PRKN: variants seen among roughly 807,000 people sequenced by gnomAD.
PRKN encodes the protein E3 ubiquitin-protein ligase parkin.
A neutral mutation model predicts 59.5 loss-of-function variants in PRKN; 56 were observed. The ratio of observed to expected loss-of-function variants is 0.94; its 90% CI spans 0.76 to 1.18. The LOEUF is 1.18. Among genes scored for constraint, PRKN ranks in the 50% most tolerant of loss-of-function variants. PRKN has a pLI of 0.00. For synonymous variants in PRKN, 250 were observed against 222.1 expected (o/e 1.13, Z -1.12); for missense variants, 657 against 596.4 (o/e 1.10, Z -1.06).
chr6:161,896,150 T>C (rs1777619378), intron 6 of PRKN, among the ~76,000 whole-genome samples: 1 of 152,116 alleles, frequency 6.6e-6, no homozygotes, highest in Admixed American at 6.5e-5. Context: ...AGACACTACA[T>C]TTATGTGTAG....
At chr6:162,419,274 C>T (rs1788828276) in intron 2 of PRKN, among the ~76,000 whole-genome samples, 1 of 151,910 alleles carries the variant, frequency 6.6e-6, no homozygotes, top group African/African-American at 2.4e-5. Context: ...GGAAAAATTG[C>T]TCTTCCTCAA....
chr6:161,656,826 AT>A (rs1162804573), intron 7 of PRKN, among the ~76,000 whole-genome samples: 1 of 152,118 alleles, frequency 6.6e-6, no homozygotes, highest in Non-Finnish European at 1.5e-5. Flanking sequence ...TGTTTATTGT[AT>A]ATCCCCCTAC....
chr6:162,454,174 CTT>C (rs1179225011), intron 1 of PRKN, among the ~76,000 whole-genome samples: 2 of 152,198 alleles, frequency 1.3e-5, no homozygotes, highest in Non-Finnish European at 2.9e-5. Flanking sequence ...ATTATTGACT[CTT>C]AACTTCAGGT....
intron 7 of PRKN, among the ~76,000 whole-genome samples, chr6:161,666,084 T>C (rs1784715402): frequency 6.6e-6 from 1 of 152,212 alleles, no homozygotes; most frequent in Non-Finnish European, 1.5e-5. Flanking sequence ...CGTGAGCCTC[T>C]TCTATCCTGT....
chr6:162,234,094 ATAGT>A (rs1292886125), intron 3 of PRKN, among the ~76,000 whole-genome samples: 2 of 152,236 alleles, frequency 1.3e-5, no homozygotes, highest in Non-Finnish European at 2.9e-5. Flanking sequence ...GCTCAGAATC[ATAGT>A]ATTGAACCTA....
At chr6:162,408,798 A>G (rs1226477170) in intron 2 of PRKN, among the ~76,000 whole-genome samples, 1 of 152,134 alleles carries the variant, frequency 6.6e-6, no homozygotes, top group Non-Finnish European at 1.5e-5. Flanking sequence ...CCATGGACAC[A>G]ATCACATATT....
intron 1 of PRKN, among the ~76,000 whole-genome samples, chr6:162,696,030 C>T (rs970670723): frequency 6.6e-6 from 1 of 152,012 alleles, no homozygotes. Context: ...GCTCTGACTA[C>T]AGAAAGTGCC....
chr6:162,199,084 G>T (rs905616537), intron 4 of PRKN, among the ~76,000 whole-genome samples: 2 of 152,052 alleles, frequency 1.3e-5, no homozygotes, highest in Non-Finnish European at 2.9e-5. Flanking sequence ...TTTTCAACAT[G>T]AATTCCACCT....
chr6:162,220,363 C>T (rs893667438), intron 3 of PRKN, among the ~76,000 whole-genome samples: 2 of 152,170 alleles, frequency 1.3e-5, no homozygotes, highest in African/African-American at 2.4e-5. Flanking sequence ...TAAAGAGCTT[C>T]GGCATAGCAA....
intron 2 of PRKN, among the ~76,000 whole-genome samples, chr6:162,406,908 C>A (rs1453835149): frequency 6.6e-6 from 1 of 152,062 alleles, no homozygotes; most frequent in Non-Finnish European, 1.5e-5. Flanking sequence ...CTCTAGGAAG[C>A]TATTCTTGAA....
chr6:161,712,103 C>A (rs1219137569), intron 7 of PRKN, among the ~76,000 whole-genome samples: 2 of 152,064 alleles, frequency 1.3e-5, no homozygotes, highest in Non-Finnish European at 2.9e-5. Flanking sequence ...CTCTAGAGAA[C>A]CCTGACTAAT....
intron 7 of PRKN, among the ~76,000 whole-genome samples, chr6:161,570,450 G>A (rs1345327551): frequency 6.8e-6 from 1 of 147,338 alleles, no homozygotes; most frequent in Non-Finnish European, 1.5e-5. Context: ...CTTATACACA[G>A]ATTTTTTCTT....
chr6:162,188,495 A>T (rs1583172031), intron 4 of PRKN, among the ~76,000 whole-genome samples: 2 of 152,146 alleles, frequency 1.3e-5, no homozygotes, highest in Non-Finnish European at 2.9e-5. Context: ...TACTGGATCA[A>T]TGTCCACATA....
intron 2 of PRKN, among the ~76,000 whole-genome samples, chr6:162,367,948 G>A (rs1469784733): frequency 6.6e-6 from 1 of 152,146 alleles, no homozygotes; most frequent in Admixed American, 6.6e-5. Context: ...AACCACCAAG[G>A]CACTGCCTCC....
rs1188269485 is a variant in PRKN at position 161,413,664 on chromosome 6, C to A, written c.1084-26787G>T. Among the ~76,000 whole-genome samples, 1 of 152,290 alleles carries A rather than the reference C, an allele frequency of 6.6e-6. No homozygotes were observed. The highest frequency in any genetic ancestry group is 2.1e-4 in the South Asian group (1 of 4,822). ...ACCGGGTCCCAGGGACACCTGAGCA[C>A]GTCTCAGGGCGCCTTCTGTTCACAG... On this transcript the variant is annotated intron_variant, in intron 9 of 11. Transcript: ENST00000366898. The surrounding 1 kb of genome is among the most constrained non-coding windows in gnomAD (Gnocchi z 4.4).
intron 6 of PRKN, among the ~76,000 whole-genome samples, chr6:161,856,361 A>AAAATAAATAAATAAATAAAT (rs113381073): frequency 7.7e-4 from 115 of 149,464 alleles, no homozygotes; most frequent in East Asian, 2.0e-3. Context: ...ATGCCATCTC[A>AAAATAAATAAATAAATAAAT]AAATAAATAA....
chr6:162,718,530 T>C (rs773383013), intron 1 of PRKN, among the ~76,000 whole-genome samples: 1 of 151,918 alleles, frequency 6.6e-6, no homozygotes, highest in Non-Finnish European at 1.5e-5. Flanking sequence ...ACTAACACGG[T>C]GATACCCCGT....
chr6:161,594,324 G>C (rs1004291446), intron 7 of PRKN, among the ~76,000 whole-genome samples: 4 of 152,122 alleles, frequency 2.6e-5, no homozygotes, highest in Admixed American at 6.6e-5. Flanking sequence ...TCCCAGCTCT[G>C]TCTTATGAGA....
At chr6:162,440,060 C>T (rs1461118130) in intron 2 of PRKN, among the ~76,000 whole-genome samples, 1 of 152,130 alleles carries the variant, frequency 6.6e-6, no homozygotes, top group Non-Finnish European at 1.5e-5. Flanking sequence ...AAAAGTATGC[C>T]TACTCCAGCT....
Sources: allele counts gnomAD v4.1 joint callset (sites outside exome capture counted in the v4.1 genomes callset), GRCh38; gene constraint gnomAD v4.1.1; non-coding constraint Gnocchi (gnomAD v3.1); transcripts MANE v1.5; gene names NCBI Gene and HGNC (gene_info 2026-07-23, HGNC 2026-07-21).